ZFYVE9: variants seen among roughly 807,000 people sequenced by gnomAD.
The protein encoded by ZFYVE9 is zinc finger FYVE-type containing 9.
Under a neutral mutation model 126.7 loss-of-function variants are expected in ZFYVE9, and 43 were observed. The ratio of observed to expected loss-of-function variants is 0.34; its 90% confidence interval spans 0.27 to 0.44. The LOEUF is 0.44. Among genes scored for constraint, ZFYVE9 ranks in the 20% least tolerant of loss-of-function variants. The pLI is 1.00. For missense variants in ZFYVE9, 1,476 were observed against 1,697.0 expected, an observed-to-expected ratio of 0.87 and a Z score of 2.29; for synonymous variants, 521 against 597.4, an observed-to-expected ratio of 0.87 and a Z score of 1.87.
Position 52,293,472 on chromosome 1 carries a change from G to T in ZFYVE9, c.3045G>T (p.Leu1015Phe). ...TTTTAGGGAATGTGGTGAGCAACTT[G>T]GGACATTCCTTCTTCAGTCAAAGTT... ...DALAGNVVSN[L>F]GHSFFSQSFL... is the part of the protein sequence containing the mutation. The change falls in exon 11 of 19, where the codon TTG becomes TTT. Residue 1015 changes from leucine (L) to phenylalanine (F), a missense_variant. Around this residue, in one of 2 missense-constraint regions of ZFYVE9, gnomAD observed 669 missense variants for 902.4 expected, o/e 0.74. Coordinates refer to ENST00000287727, the MANE Select transcript of ZFYVE9 (RefSeq NM_004799.4). 6.2e-7 allele frequency: 1 copy of T among 1,613,408 alleles called. No homozygotes were observed.
intron 1 of ZFYVE9, among the ~76,000 whole-genome samples, chr1:52,154,498 G>A (rs764949245): frequency 2.0e-4 from 31 of 152,180 alleles, no homozygotes; most frequent in Non-Finnish European, 2.8e-4. Flanking sequence ...AGCTAGTTGA[G>A]TCATTTTGTC....
At chr1:52,167,454 A>G (rs1644524391) in intron 1 of ZFYVE9, among the ~76,000 whole-genome samples, 1 of 152,172 alleles carries the variant, frequency 6.6e-6, no homozygotes, top group Admixed American at 6.5e-5. Context: ...ATGAAGACCC[A>G]TCTCACTCAA....
At chr1:52,302,477 G>A (rs557646051) in intron 12 of ZFYVE9, among the ~76,000 whole-genome samples, 2 of 152,262 alleles carry the variant, frequency 1.3e-5, no homozygotes, top group South Asian at 2.1e-4. Context: ...CAGGCTGGGC[G>A]CAGTGGCTCA....
chr1:52,322,005 A>T, intron 13 of ZFYVE9, among the ~76,000 whole-genome samples: 5 of 152,162 alleles, frequency 3.3e-5, no homozygotes, highest in African/African-American at 4.8e-5. Context: ...GCTGTTTTGT[A>T]GACTTGACTG....
intron 16 of ZFYVE9, 141 bp downstream of exon 16, chr1:52,338,075 A>G: frequency 8.9e-7 from 1 of 1,129,312 alleles, no homozygotes; most frequent in Non-Finnish European, 1.2e-6. Flanking sequence ...TTAACGTAGA[A>G]TTTTAAATTT....
chr1:52,305,704 G>C (rs1646076895), intron 13 of ZFYVE9, among the ~76,000 whole-genome samples: 1 of 152,114 alleles, frequency 6.6e-6, no homozygotes, highest in South Asian at 2.1e-4. Flanking sequence ...GCAGGCAGGA[G>C]CTCCCCCCTT....
chr1:52,292,966 TAATA>T (rs939871106), intron 10 of ZFYVE9, among the ~76,000 whole-genome samples: 18 of 152,346 alleles, frequency 1.2e-4, no homozygotes, highest in African/African-American at 4.1e-4. Context: ...AATTTTCATT[TAATA>T]AATGCCATTT....
chr1:52,303,731 A>G (rs1473443709), intron 12 of ZFYVE9, 90 bp from the exon 13 acceptor site: 17 of 762,972 alleles, frequency 2.2e-5, no homozygotes, highest in East Asian at 8.8e-5. Flanking sequence ...CAATATTGAC[A>G]TTTTTTCCAT....
chr1:52,297,252 T>C (rs2147834845), intron 12 of ZFYVE9, among the ~76,000 whole-genome samples: 1 of 151,532 alleles, frequency 6.6e-6, no homozygotes, highest in East Asian at 1.9e-4. Flanking sequence ...CTTTTTTTTT[T>C]TTTTTTTGGA....
chr1:52,323,177 T>G (rs1646257894), intron 13 of ZFYVE9, among the ~76,000 whole-genome samples: 3 of 152,210 alleles, frequency 2.0e-5, no homozygotes, highest in Non-Finnish European at 4.4e-5. Context: ...CAGTGTTCCT[T>G]GAAATTCCAG....
At chr1:52,334,046 T>G (rs919720863) in intron 14 of ZFYVE9, among the ~76,000 whole-genome samples, 1 of 146,624 alleles carries the variant, frequency 6.8e-6, no homozygotes, top group Non-Finnish European at 1.5e-5. Flanking sequence ...TGAGCAGAGA[T>G]AGCACCGCTG....
Position 52,239,491 on chromosome 1 carries a change from G to A in ZFYVE9, c.2074G>A (p.Val692Met). ...AAAGCCATTCACCACTCTGGGTGAG[G>A]TGGCTCCAGTATGGGTACCGGATTC... is the stretch of plus-strand genomic sequence containing the variant. ...ARKPFTTLGE[V>M]APVWVPDSQA... The change falls in exon 4 of 19, where the codon GTG (valine) becomes ATG (methionine). Residue 692 changes from valine (V) to methionine (M), a missense_variant. Coordinates refer to ENST00000287727, the MANE Select transcript of ZFYVE9 (RefSeq NM_004799.4). 6.2e-7 allele frequency: 1 copy of A among 1,614,164 alleles called. No individual in the cohort carries two copies. Among genetic ancestry groups the A allele is most frequent in the Non-Finnish European group, 8.5e-7 (1 of 1,180,014 alleles).
intron 16 of ZFYVE9, among the ~76,000 whole-genome samples, chr1:52,339,013 G>GAA (rs560148411): frequency 6.7e-6 from 1 of 148,188 alleles, no homozygotes; most frequent in Admixed American, 6.7e-5. Flanking sequence ...TCTGTCTCAA[G>GAA]AAAAAAAAAA....
At chr1:52,208,794 A>G (rs1041238718) in intron 1 of ZFYVE9, among the ~76,000 whole-genome samples, 1 of 152,082 alleles carries the variant, frequency 6.6e-6, no homozygotes. Flanking sequence ...TGGCCTCCCA[A>G]ATTGTTGGGA....
At chr1:52,306,998 G>C (rs138275448) in intron 13 of ZFYVE9, among the ~76,000 whole-genome samples, 1 of 152,162 alleles carries the variant, frequency 6.6e-6, no homozygotes, top group Non-Finnish European at 1.5e-5. Context: ...CTGAGTGGCC[G>C]GAACAAGCCC....
chr1:52,260,611 G>A (rs1322041132), intron 4 of ZFYVE9, among the ~76,000 whole-genome samples: 1 of 152,130 alleles, frequency 6.6e-6, no homozygotes, highest in Non-Finnish European at 1.5e-5. Flanking sequence ...GAGGTCAGGA[G>A]TTCAAGACCA....
rs1289936630 is a variant in ZFYVE9 at position 52,164,118 on chromosome 1, A to AT, written c.-143+21732dup. Among the ~76,000 whole-genome samples the AT allele has an allele frequency of 7.2e-3, 1,005 of 139,436 alleles. 13 individuals are homozygous for AT. The highest frequency in any genetic ancestry group is 0.051 in the South Asian group (224 of 4,396). The allele number at this position is 139,436 out of a possible 152,430, so 91.5% of individuals were successfully genotyped here. A position where few individuals can be genotyped will look rare whatever the true frequency, so the allele number is the denominator to read the frequency against. ...AGATGCGCACCACCACACCTAGCTA[A>AT]TTTTTTTTTTTTTTTTTGTAGAGAC... is the stretch of plus-strand genomic sequence containing the variant. On this transcript the variant is annotated intron_variant, in intron 1 of 18. Coordinates refer to ENST00000287727, the MANE Select transcript of ZFYVE9 (RefSeq NM_004799.4).
intron 10 of ZFYVE9, among the ~76,000 whole-genome samples, chr1:52,285,267 A>G (rs1645846719): frequency 6.6e-6 from 1 of 152,202 alleles, no homozygotes. Flanking sequence ...TAATCAGGGT[A>G]ATAGCTTGAT....
At chr1:52,155,624 C>T (rs1326810400) in intron 1 of ZFYVE9, among the ~76,000 whole-genome samples, 1 of 152,194 alleles carries the variant, frequency 6.6e-6, no homozygotes, top group Non-Finnish European at 1.5e-5. Flanking sequence ...CTCTACACTG[C>T]ATCTTTTCCC....
Sources: gnomAD v4.1 joint callset for allele counts (sites outside exome capture counted in the v4.1 genomes callset) on GRCh38, gnomAD v4.1.1 for gene constraint, gnomAD v4.1.1 regional missense constraint, MANE v1.5 for transcripts, NCBI Gene and HGNC (gene_info 2026-07-23, HGNC 2026-07-21) for gene names.